The following KLHL22 variants were observed in gnomAD, a reference collection of about 807,000 sequenced individuals.
KLHL22 encodes kelch-like protein 22.
KLHL22 carries 18 observed loss-of-function variants against 60.7 expected under a neutral mutation model. That is an observed-to-expected ratio of 0.30 (90% CI 0.20 to 0.44). The LOEUF is 0.44. KLHL22 is among the 20% of genes least tolerant of loss of function. The pLI is 1.00. For missense variants in KLHL22, 596 were observed against 852.3 expected, an observed-to-expected ratio of 0.70 and a Z score of 3.74; for synonymous variants, 355 against 354.5, an observed-to-expected ratio of 1.00 and a Z score of -0.01.
At chr22:20,469,385 C>T (rs966775098) in intron 3 of KLHL22, among the ~76,000 whole-genome samples, 6 of 151,936 alleles carry the variant, frequency 3.9e-5, no homozygotes, top group Non-Finnish European at 7.4e-5. Context: ...CAGGGGAGCT[C>T]CGGGAGAGTG....
Position 20,446,425 on chromosome 22 carries a change from GC to G in KLHL22, c.1539+17del. 1 of 1,433,058 alleles carries G rather than the reference GC, an allele frequency of 7.0e-7. No individual in the cohort carries two copies. Among genetic ancestry groups the G allele is most frequent in the Non-Finnish European group, 9.7e-7 (1 of 1,026,146 alleles). The allele number at this position is 1,433,058 out of a possible 1,614,324, so 88.8% of individuals were successfully genotyped here. ...TTGGGAATGATGACGGGTGTGGACT[GC>G]CCCGGGCCCCACTCACCTGGTGCAC... On this transcript the variant is annotated intron_variant, in intron 6 of 6. Coordinates refer to ENST00000328879, the MANE Select transcript of KLHL22 (RefSeq NM_032775.4).
chr22:20,493,897 T>A (rs2053727990), intron 1 of KLHL22, among the ~76,000 whole-genome samples: 1 of 151,886 alleles, frequency 6.6e-6, no homozygotes, highest in Non-Finnish European at 1.5e-5. Flanking sequence ...GCCCCATCTC[T>A]ACTAAAAATA....
chr22:20,490,656 C>T (rs1366117266), intron 1 of KLHL22, among the ~76,000 whole-genome samples: 3 of 152,170 alleles, frequency 2.0e-5, no homozygotes, highest in Admixed American at 6.5e-5. Flanking sequence ...GGAATGGTTT[C>T]GGGATCAAAC....
chr22:20,494,934 A>G (rs1054629464), intron 1 of KLHL22, among the ~76,000 whole-genome samples: 1 of 152,208 alleles, frequency 6.6e-6, no homozygotes, highest in Non-Finnish European at 1.5e-5. Flanking sequence ...CCCTCAAAGA[A>G]ACTCAATCCT....
At chr22:20,455,140 C>T (rs1316932366) in intron 5 of KLHL22, among the ~76,000 whole-genome samples, 4 of 152,184 alleles carry the variant, frequency 2.6e-5, no homozygotes, top group Non-Finnish European at 5.9e-5. Context: ...GCCTGGGCCT[C>T]CCAAAGTGCT....
chr22:20,494,492 T>C (rs1272230464), intron 1 of KLHL22, among the ~76,000 whole-genome samples: 1 of 152,190 alleles, frequency 6.6e-6, no homozygotes, highest in African/African-American at 2.4e-5. Context: ...GCGATTCTCC[T>C]ACCTCAGCCT....
intron 1 of KLHL22, chr22:20,493,017 T>C (rs2053715184): frequency 5.5e-6 from 2 of 364,324 alleles, no homozygotes; most frequent in Non-Finnish European, 1.1e-5. Context: ...CTCTGGGCAC[T>C]TGTCTCATAT....
intron 5 of KLHL22, among the ~76,000 whole-genome samples, chr22:20,453,039 G>C (rs546508552): frequency 6.6e-6 from 1 of 152,230 alleles, no homozygotes; most frequent in Non-Finnish European, 1.5e-5. Context: ...CAACATTTCT[G>C]AGCTATCATT....
At chr22:20,489,271 G>A in intron 1 of KLHL22, 27 bp from the exon 2 acceptor site, 12 of 1,559,416 alleles carry the variant, frequency 7.7e-6, no homozygotes, top group Non-Finnish European at 1.1e-5. Flanking sequence ...CAGGGGACAG[G>A]GGTGAGCAGG....
chr22:20,484,066 A>T, intron 2 of KLHL22: 1 of 983,320 alleles, frequency 1.0e-6, no homozygotes, highest in Non-Finnish European at 1.6e-6. Flanking sequence ...CCCAGGGACC[A>T]GTAGTTGGTG....
At position 20,442,265 on chromosome 22, in the gene KLHL22, G is replaced by C; in HGVS notation, c.1713C>G (p.Asp571Glu). The change falls in exon 7 of 7, where the codon GAC becomes GAG. Residue 571 changes from aspartate (D) to glutamate (E), a missense_variant. Transcript: ENST00000328879. Reference sequence around the variant, plus strand: ...CCAGCTGGGGCCCTTCCTCCCAGCAGTCCTTCTCCACATCGTAAATGTGCA... The same window carrying C: ...CCAGCTGGGGCCCTTCCTCCCAGCACTCCTTCTCCACATCGTAAATGTGCA... ...GYVHIYDVEK[D>E]CWEEGPQLDN... 1 of 1,613,832 alleles carries C rather than the reference G, an allele frequency of 6.2e-7. No homozygotes were observed. The highest frequency in any genetic ancestry group is 8.5e-7 in the Non-Finnish European group (1 of 1,179,942).
intron 4 of KLHL22, among the ~76,000 whole-genome samples, chr22:20,464,220 G>A (rs1323437280): frequency 7.5e-6 from 1 of 134,018 alleles, no homozygotes; most frequent in East Asian, 6.6e-4. Context: ...ACTCTCTCTT[G>A]GGAAAACTGC....
At chr22:20,488,682 G>GGGAGGGGAGGGGAGGGGAGAGGAGA (rs1204380489) in intron 2 of KLHL22, 4 of 395,124 alleles carry the variant, frequency 1.0e-5, no homozygotes, top group Non-Finnish European at 9.0e-6. Context: ...GGAATGGTAA[G>GGGAGGGGAGGGGAGGGGAGAGGAGA]GGAGGGGAGG....
chr22:20,485,460 A>T (rs2053569346), intron 2 of KLHL22, among the ~76,000 whole-genome samples: 1 of 152,244 alleles, frequency 6.6e-6, no homozygotes, highest in Admixed American at 6.5e-5. Flanking sequence ...TCTGCCCTTC[A>T]GGAAAACTGA....
chr22:20,490,343 G>C (rs2053664558), intron 1 of KLHL22, among the ~76,000 whole-genome samples: 1 of 152,166 alleles, frequency 6.6e-6, no homozygotes, highest in Admixed American at 6.6e-5. Context: ...CACAAACCTA[G>C]GTGGTAGAGA....
intron 2 of KLHL22, chr22:20,483,176 T>G: frequency 3.1e-6 from 2 of 636,416 alleles, no homozygotes; most frequent in Non-Finnish European, 5.7e-6. Flanking sequence ...TCTCAAGGAG[T>G]CCAGGTTGAT....
At chr22:20,487,926 A>G (rs956651768) in intron 2 of KLHL22, among the ~76,000 whole-genome samples, 2 of 152,070 alleles carry the variant, frequency 1.3e-5, no homozygotes, top group Admixed American at 6.6e-5. Flanking sequence ...GGGGGCCCTC[A>G]GCTCCTCTAC....
At chr22:20,450,717 C>A in intron 5 of KLHL22, 2 of 1,388,386 alleles carry the variant, frequency 1.4e-6, no homozygotes, top group South Asian at 1.2e-5. Flanking sequence ...TTGAGGCTGT[C>A]ATCAGTTGGG....
intron 6 of KLHL22, among the ~76,000 whole-genome samples, chr22:20,446,051 A>T (rs2052854542): frequency 6.6e-6 from 1 of 152,218 alleles, no homozygotes; most frequent in Admixed American, 6.5e-5. Flanking sequence ...ATGTGCCACC[A>T]CATCCGGCCT....
Sources: allele counts gnomAD v4.1 joint callset (sites outside exome capture counted in the v4.1 genomes callset), GRCh38; gene constraint gnomAD v4.1.1; transcripts MANE v1.5; gene names NCBI Gene and HGNC (gene_info 2026-07-23, HGNC 2026-07-21).